Variants in PARVA observed in about 807,000 individuals in gnomAD.
PARVA encodes the protein alpha-parvin.
Under a neutral mutation model 52.6 loss-of-function variants are expected in PARVA, and 25 were observed. That is an observed-to-expected ratio of 0.48 (90% CI 0.35 to 0.66). The LOEUF is 0.66. Among genes scored for constraint, PARVA ranks in the 30% least tolerant of loss-of-function variants. The pLI, the probability that PARVA is intolerant of heterozygous loss-of-function variation, is 0.01. For synonymous variants in PARVA, 185 were observed against 179.1 expected, an observed-to-expected ratio of 1.03 and a Z score of -0.26; for missense variants, 373 against 450.9, an observed-to-expected ratio of 0.83 and a Z score of 1.56.
rs567113591 is a variant in PARVA at position 12,389,034 on chromosome 11, T to G, written c.136+11251T>G. 2.0e-5 allele frequency among the ~76,000 whole-genome samples: 3 copies of G among 152,260 alleles called. No individual in the cohort carries two copies. In the South Asian group the frequency reaches 6.2e-4, roughly 32 times the overall value. ...AAGAAGAAATGATTGCCATTAATCA[T>G]TATCAGAGGGATCTGAGTGATCCCT... On this transcript the variant is annotated intron_variant, in intron 1 of 12. Coordinates refer to ENST00000334956, the MANE Select transcript of PARVA (RefSeq NM_018222.5).
intron 5 of PARVA, among the ~76,000 whole-genome samples, chr11:12,501,544 C>A (rs1941363785): frequency 6.6e-6 from 1 of 152,154 alleles, no homozygotes; most frequent in Non-Finnish European, 1.5e-5. Flanking sequence ...TTAAGCGGAG[C>A]AGTTGTACTT....
At chr11:12,489,486 A>G (rs1941204074) in intron 4 of PARVA, among the ~76,000 whole-genome samples, 3 of 152,336 alleles carry the variant, frequency 2.0e-5, no homozygotes, top group South Asian at 4.1e-4. Flanking sequence ...ATTTGAAAAC[A>G]TAGAGGTTAG....
At chr11:12,404,091 G>A (rs7941793) in intron 1 of PARVA, among the ~76,000 whole-genome samples, 30,956 of 144,244 alleles carry the variant, frequency 0.21, 4,371 homozygotes, top group African/African-American at 0.41. Flanking sequence ...TTGGCTCACC[G>A]TTTAATATAG....
chr11:12,441,473 C>T (rs760115780), intron 1 of PARVA, among the ~76,000 whole-genome samples: 31 of 151,942 alleles, frequency 2.0e-4, no homozygotes, highest in Non-Finnish European at 4.0e-4. Flanking sequence ...AGAATACATT[C>T]GGGGGTAATT....
intron 4 of PARVA, among the ~76,000 whole-genome samples, chr11:12,493,941 A>G (rs1941264135): frequency 6.6e-6 from 1 of 152,250 alleles, no homozygotes; most frequent in Non-Finnish European, 1.5e-5. Flanking sequence ...TTCAGTTGGC[A>G]TTCGCCAAGT....
chr11:12,511,428 C>A, intron 7 of PARVA, 86 bp from the exon 8 acceptor site: 1 of 1,435,064 alleles, frequency 7.0e-7, no homozygotes. Flanking sequence ...GGGCTTCCAG[C>A]AGTGATGGAG....
chr11:12,488,942 CAA>C (rs1941196988), intron 4 of PARVA, among the ~76,000 whole-genome samples: 3 of 151,874 alleles, frequency 2.0e-5, no homozygotes, highest in Admixed American at 1.3e-4. Context: ...TAGAAATCAC[CAA>C]AGACATGAGC....
intron 1 of PARVA, among the ~76,000 whole-genome samples, chr11:12,424,354 G>A (rs778723702): frequency 2.1e-4 from 32 of 151,688 alleles, no homozygotes; most frequent in Non-Finnish European, 3.8e-4. Flanking sequence ...ATTTTTCATC[G>A]TGTCCTGCAG....
At chr11:12,452,046 C>T (rs558677922) in intron 1 of PARVA, among the ~76,000 whole-genome samples, 1 of 151,992 alleles carries the variant, frequency 6.6e-6, no homozygotes, top group African/African-American at 2.4e-5. Context: ...TAGTCTCCTG[C>T]CACCACCACC....
At chr11:12,485,963 A>G (rs1941154002) in intron 4 of PARVA, among the ~76,000 whole-genome samples, 1 of 152,236 alleles carries the variant, frequency 6.6e-6, no homozygotes, top group Non-Finnish European at 1.5e-5. Context: ...CCATCACAGA[A>G]CAGAGGACGC....
intron 10 of PARVA, among the ~76,000 whole-genome samples, chr11:12,517,301 T>TGACCACC (rs1334148325): frequency 8.2e-6 from 1 of 122,186 alleles, no homozygotes; most frequent in Non-Finnish European, 1.7e-5. Flanking sequence ...GGAGCCACAC[T>TGACCACC]GACCACCCCC....
At chr11:12,439,229 G>A (rs554705152) in intron 1 of PARVA, among the ~76,000 whole-genome samples, 1 of 152,148 alleles carries the variant, frequency 6.6e-6, no homozygotes. Flanking sequence ...CTAGGAATAT[G>A]AGGGTGAATG....
chr11:12,407,750 G>T (rs1006110644), intron 1 of PARVA, among the ~76,000 whole-genome samples: 1 of 152,160 alleles, frequency 6.6e-6, no homozygotes, highest in Non-Finnish European at 1.5e-5. Flanking sequence ...AGTGTACATG[G>T]CTCAGCCCTC....
At chr11:12,393,819 C>T (rs1939697698) in intron 1 of PARVA, among the ~76,000 whole-genome samples, 1 of 152,124 alleles carries the variant, frequency 6.6e-6, no homozygotes, top group Non-Finnish European at 1.5e-5. Context: ...GGATTTGAAC[C>T]CAGACAGTCT....
intron 1 of PARVA, among the ~76,000 whole-genome samples, chr11:12,457,770 T>G (rs1940717872): frequency 6.7e-6 from 1 of 149,638 alleles, no homozygotes; most frequent in South Asian, 2.2e-4. Flanking sequence ...CCACTCAAAA[T>G]AGTGGGGGGA....
At chr11:12,453,481 TGTC>T (rs1286223052) in intron 1 of PARVA, among the ~76,000 whole-genome samples, 1 of 152,170 alleles carries the variant, frequency 6.6e-6, no homozygotes, top group Admixed American at 6.5e-5. Context: ...GAGAGGGTGT[TGTC>T]ATTCTGATTA....
At chr11:12,389,976 G>T (rs144371425) in intron 1 of PARVA, among the ~76,000 whole-genome samples, 4 of 152,266 alleles carry the variant, frequency 2.6e-5, no homozygotes, top group Non-Finnish European at 5.9e-5. Flanking sequence ...CAGAGGCAAT[G>T]CTCCTCTTCT....
chr11:12,523,484 C>T (rs1941663963), intron 12 of PARVA, among the ~76,000 whole-genome samples: 1 of 152,176 alleles, frequency 6.6e-6, no homozygotes, highest in Non-Finnish European at 1.5e-5. Flanking sequence ...CCACAGAGGG[C>T]CTTGTCCCTT....
In PARVA at chr11:12,531,991, G is replaced by C. The variant is rs187009703; in HGVS notation, c.*4066G>C. 2.0e-5 allele frequency among the ~76,000 whole-genome samples: 3 copies of C among 152,222 alleles called. No individual in the cohort carries two copies. In the East Asian group the frequency reaches 5.8e-4, roughly 29 times the overall value. On this transcript the variant is annotated 3_prime_UTR_variant, in exon 13 of 13. Coordinates refer to ENST00000334956, the MANE Select transcript of PARVA (RefSeq NM_018222.5). The stretch of plus-strand genomic sequence containing the variant: ...CTACATTTACAAATACCAGAGTTTC[G>C]ACTGTGTTTTTACTCTCTGCTCCCT...
Sources: allele counts gnomAD v4.1 joint callset (sites outside exome capture counted in the v4.1 genomes callset), GRCh38; gene constraint gnomAD v4.1.1; transcripts MANE v1.5; gene names NCBI Gene and HGNC (gene_info 2026-07-23, HGNC 2026-07-21).